The following RBAK variants were observed in gnomAD, a reference collection of about 807,000 sequenced individuals.
The protein encoded by RBAK is RB-associated KRAB zinc finger protein.
Under a neutral mutation model 65.8 loss-of-function variants are expected in RBAK, and 39 were observed. That is an observed-to-expected ratio of 0.59 (90% CI 0.46 to 0.77). The LOEUF (loss-of-function observed/expected upper bound fraction) is 0.77. Ranked by LOEUF, RBAK falls within the 30% of genes least tolerant of loss-of-function variation. The pLI, the probability that RBAK is intolerant of heterozygous loss-of-function variation, is 0.00. For synonymous variants in RBAK, 343 were observed against 289.7 expected, an observed-to-expected ratio of 1.18 and a Z score of -1.87; for missense variants, 884 against 855.1, an observed-to-expected ratio of 1.03 and a Z score of -0.42.
chr7:5,046,254 G>A lies in RBAK; in HGVS notation c.-187G>A, dbSNP rs746741054. Reference sequence around the variant, plus strand: ...GACACCCGCCTGGATTTGCCCCTTAGGCCCGGCCCGGGCCCCTCGGGAGCA... The same window carrying A: ...GACACCCGCCTGGATTTGCCCCTTAAGCCCGGCCCGGGCCCCTCGGGAGCA... On this transcript the variant is annotated 5_prime_UTR_variant, in exon 1 of 5. Coordinates refer to ENST00000396912, the MANE Select transcript of RBAK (RefSeq NM_021163.4). 3.9e-6 allele frequency: 2 copies of A among 515,198 alleles called. No individual in the cohort carries two copies. Among genetic ancestry groups the A allele is most frequent in the Admixed American group, 3.9e-5 (2 of 51,308 alleles). 31.9% of individuals were successfully genotyped at this position (515,198 alleles called of 1,614,324 possible).
intron 4 of RBAK, among the ~76,000 whole-genome samples, chr7:5,061,451 T>C (rs1027238539): frequency 1.3e-4 from 15 of 115,598 alleles, no homozygotes; most frequent in Non-Finnish European, 2.3e-4. Flanking sequence ...GTTTTTCTTT[T>C]TCTTTTTTTT....
At position 5,049,384 on chromosome 7, in the gene RBAK, G is replaced by A. The variant is rs1284888351; in HGVS notation, c.15+1293G>A. Among the ~76,000 whole-genome samples the A allele has an allele frequency of 1.1e-4, 17 of 152,262 alleles. No homozygotes were observed. In the South Asian group the frequency reaches 1.5e-3, roughly 13 times the overall value. On this transcript the variant is annotated intron_variant, in intron 2 of 4. Coordinates refer to ENST00000396912, the MANE Select transcript of RBAK (RefSeq NM_021163.4). ...ATGATCATCCTTCAAATATTTGTTC[G>A]TCTTTCAGTTTGGGTTGCACAGCAA...
At chr7:5,057,591 T>C (rs1715066711) in intron 3 of RBAK, 93 bp from the exon 4 acceptor site, 2 of 1,592,872 alleles carry the variant, frequency 1.3e-6, no homozygotes, top group Admixed American at 1.7e-5. Context: ...GGAGCACTTC[T>C]GTTATGCAGC....
intron 4 of RBAK, among the ~76,000 whole-genome samples, chr7:5,063,237 A>G (rs1399236618): frequency 2.6e-5 from 4 of 152,224 alleles, no homozygotes; most frequent in South Asian, 2.1e-4. Flanking sequence ...TTCTTCTGCC[A>G]TGGCTTCAGC....
chr7:5,066,783 G>T lies in RBAK; in HGVS notation c.*1182G>T, dbSNP rs1284661742. 6.6e-6 allele frequency: 1 copy of T among 152,108 alleles called. No individual in the cohort carries two copies. Among genetic ancestry groups the T allele is most frequent in the East Asian group, 1.9e-4 (1 of 5,204 alleles). 9.4% of individuals were successfully genotyped at this position (152,108 alleles called of 1,614,324 possible). On this transcript the variant is annotated 3_prime_UTR_variant, in exon 5 of 5. Transcript: ENST00000396912. ...AATCCTGATTAGTCAAAATAATAAT[G>T]ATTTCATTCTCTTTGCCAGTAACTT...
intron 4 of RBAK, among the ~76,000 whole-genome samples, chr7:5,058,031 T>C (rs868228650): frequency 6.6e-5 from 10 of 151,790 alleles, no homozygotes; most frequent in Admixed American, 1.3e-4. Context: ...TGGTAACTTA[T>C]TTACTCCCTT....
chr7:5,064,984 C>G lies in RBAK; in HGVS notation c.1528C>G (p.Pro510Ala), dbSNP rs764670112. 2 of 1,613,952 alleles carry G rather than the reference C, an allele frequency of 1.2e-6. No homozygotes were observed. Among genetic ancestry groups the G allele is most frequent in the Non-Finnish European group, 1.7e-6 (2 of 1,179,976 alleles). Residue 510 changes from proline (P) to alanine (A), a missense_variant, in exon 5 of 5, where the codon CCC (proline) becomes GCC (alanine). Pro to Ala is a conservative substitution (Grantham distance 27, BLOSUM62 -1). Coordinates refer to ENST00000396912, the MANE Select transcript of RBAK (RefSeq NM_021163.4). This position sits in a 1 kb window ranked among gnomAD's most constrained non-coding sequence, Gnocchi z 6.3. Reference sequence around the variant, plus strand: ...TCATACAGCTCATTTAGAAGAGAAACCCTATGAATGTAATGAATGTGGGAA... The same window carrying G: ...TCATACAGCTCATTTAGAAGAGAAAGCCTATGAATGTAATGAATGTGGGAA... ...DHHTAHLEEK[P>A]YECNECGKTF...
At position 5,048,595 on chromosome 7, in the gene RBAK, G is replaced by T. The variant is rs1403802846; in HGVS notation, c.15+504G>T. On this transcript the variant is annotated intron_variant, in intron 2 of 4. Coordinates refer to ENST00000396912, the MANE Select transcript of RBAK (RefSeq NM_021163.4). The surrounding 1 kb of genome is among the most constrained non-coding windows in gnomAD (Gnocchi z 4.4). Reference sequence around the variant, plus strand: ...TGTATGTGTGGATAGTAGATTTTAAGGCTGTTGAAATTGAGCCGCACCCAG... The same window carrying T: ...TGTATGTGTGGATAGTAGATTTTAATGCTGTTGAAATTGAGCCGCACCCAG... Among the ~76,000 whole-genome samples, 1 of 152,248 alleles carries T rather than the reference G, an allele frequency of 6.6e-6. No individual in the cohort carries two copies.
chr7:5,060,181 C>G (rs1025546638), intron 4 of RBAK, among the ~76,000 whole-genome samples: 2 of 152,134 alleles, frequency 1.3e-5, no homozygotes, highest in Non-Finnish European at 2.9e-5. Context: ...ACTCTTCTTG[C>G]TTTTATAATG....
chr7:5,059,784 A>G (rs1160127747), intron 4 of RBAK, among the ~76,000 whole-genome samples: 1 of 152,206 alleles, frequency 6.6e-6, no homozygotes, highest in Non-Finnish European at 1.5e-5. Flanking sequence ...ATATTCTCTG[A>G]TAGGAGTGTA....
At position 5,048,645 on chromosome 7, in the gene RBAK, C is replaced by CA. The variant is rs1788047755; in HGVS notation, c.15+558dup. Among the ~76,000 whole-genome samples, 1 of 152,158 alleles carries CA rather than the reference C, an allele frequency of 6.6e-6. No homozygotes were observed. The highest frequency in any genetic ancestry group is 6.5e-5 in the Admixed American group (1 of 15,272). On this transcript the variant is annotated intron_variant, in intron 2 of 4. Coordinates refer to ENST00000396912, the MANE Select transcript of RBAK (RefSeq NM_021163.4). The surrounding 1 kb of genome is among the most constrained non-coding windows in gnomAD (Gnocchi z 4.4). ...GGACTGATATTCTTGGCAGTCATCA[C>CA]AAAAGGAAAATGCCATCTGTATTAG...
At chr7:5,054,740 A>T (rs1562535084) in intron 2 of RBAK, among the ~76,000 whole-genome samples, 1 of 152,084 alleles carries the variant, frequency 6.6e-6, no homozygotes, top group East Asian at 1.9e-4. Context: ...GCCTGGATCC[A>T]GTTTTGTCCA....
chr7:5,057,597 G>A (rs1461621116), intron 3 of RBAK, 87 bp from the exon 4 acceptor site: 1 of 1,594,768 alleles, frequency 6.3e-7, no homozygotes, highest in African/African-American at 1.3e-5. Context: ...CTTCTGTTAT[G>A]CAGCTTATGA....
In RBAK at chr7:5,067,356, C is replaced by CA. The variant is rs1779245947; in HGVS notation, c.*1761dup. The CA allele has an allele frequency of 1.3e-5, 2 of 151,996 alleles. No individual in the cohort carries two copies. The highest frequency in any genetic ancestry group is 4.8e-5 in the African/African-American group (2 of 41,372). 9.4% of individuals were successfully genotyped at this position (151,996 alleles called of 1,614,324 possible). A position where few individuals can be genotyped will look rare whatever the true frequency, so the allele number is the denominator to read the frequency against. On this transcript the variant is annotated 3_prime_UTR_variant, in exon 5 of 5. Coordinates refer to ENST00000396912, the MANE Select transcript of RBAK (RefSeq NM_021163.4). ...CAAAAAGCATTTTATGATATACCAG[C>CA]AAAAAACATGGAAAATGAAATTTTG...
intron 4 of RBAK, among the ~76,000 whole-genome samples, chr7:5,058,338 G>A (rs779190637): frequency 2.6e-5 from 4 of 152,134 alleles, no homozygotes. Context: ...GCCTCCCAAA[G>A]TGCTGAGATT....
Position 5,064,010 on chromosome 7 carries a change from A to C in RBAK, c.554A>C (p.Asp185Ala). ...ATGTGTGAATTTAATCAAAATGGGG[A>C]TACCTATTCTCACAATGAAGAAAAT... ...EKMCEFNQNG[D>A]TYSHNEENIL... The change falls in exon 5 of 5, where the codon GAT (aspartate) becomes GCT (alanine). Residue 185 changes from aspartate (D) to alanine (A), a missense_variant. Transcript: ENST00000396912. The surrounding 1 kb of genome is among the most constrained non-coding windows in gnomAD (Gnocchi z 6.3). The C allele has an allele frequency of 6.2e-7, 1 of 1,613,730 alleles. No homozygotes were observed. The highest frequency in any genetic ancestry group is 8.5e-7 in the Non-Finnish European group (1 of 1,179,882).
At chr7:5,053,181 G>A (rs1788153518) in intron 2 of RBAK, among the ~76,000 whole-genome samples, 1 of 152,156 alleles carries the variant, frequency 6.6e-6, no homozygotes, top group East Asian at 1.9e-4. Flanking sequence ...CTGCCTCAAG[G>A]ACTTTCTTTA....
intron 4 of RBAK, among the ~76,000 whole-genome samples, chr7:5,061,291 C>G (rs184216241): frequency 6.6e-6 from 1 of 152,110 alleles, no homozygotes; most frequent in African/African-American, 2.4e-5. Flanking sequence ...GGGGTTTGAA[C>G]TGAGGTGACC....
chr7:5,061,282 GGGTTTGAACTGA>G (rs1779064005), intron 4 of RBAK, among the ~76,000 whole-genome samples: 1 of 151,924 alleles, frequency 6.6e-6, no homozygotes, highest in Non-Finnish European at 1.5e-5. Context: ...AAATTGTTGG[GGGTTTGAACTGA>G]GGTGACCTGC....
Sources: allele counts gnomAD v4.1 joint callset (sites outside exome capture counted in the v4.1 genomes callset), GRCh38; gene constraint gnomAD v4.1.1; non-coding constraint Gnocchi (gnomAD v3.1); transcripts MANE v1.5; gene names NCBI Gene and HGNC (gene_info 2026-07-23, HGNC 2026-07-21).